The following PTPRN2 variants were observed in gnomAD, a reference collection of about 807,000 sequenced individuals.
The protein encoded by PTPRN2 is receptor-type tyrosine-protein phosphatase N2.
A neutral mutation model predicts 118.8 loss-of-function variants in PTPRN2; 74 were observed. The ratio of observed to expected loss-of-function variants is 0.62; its 90% confidence interval spans 0.52 to 0.76. The LOEUF (loss-of-function observed/expected upper bound fraction) is 0.76, where lower values mean the gene tolerates loss of function less well. Ranked by LOEUF, PTPRN2 falls within the 30% of genes least tolerant of loss-of-function variation. The probability of loss-of-function intolerance (pLI) is 0.00; values close to 1 mark genes in which losing one functional copy is unlikely to be tolerated. For synonymous variants in PTPRN2, 641 were observed against 608.0 expected, an observed-to-expected ratio of 1.05 and a Z score of -0.80; for missense variants, 1,481 against 1,394.4, an observed-to-expected ratio of 1.06 and a Z score of -0.99.
intron 3 of PTPRN2, among the ~76,000 whole-genome samples, chr7:158,240,090 G>A (rs1795823911): frequency 6.6e-6 from 1 of 152,186 alleles, no homozygotes; most frequent in Non-Finnish European, 1.5e-5. Context: ...GGTCAGACGG[G>A]CACTTGGGGC....
rs114414482 is a variant in PTPRN2, at chr7:158,583,886, C to T, written c.112+3672G>A. ...CCATCCAACCAAACGGAATCAGAGG[C>T]TCTGGACCCCAAGAAGTAAAGATAG... is the stretch of plus-strand genomic sequence containing the variant. On this transcript the variant is annotated intron_variant, in intron 1 of 22. Coordinates refer to ENST00000389418, the MANE Select transcript of PTPRN2 (RefSeq NM_002847.5). Among the ~76,000 whole-genome samples the T allele has an allele frequency of 7.6e-3, 1,155 of 152,310 alleles. 18 individuals are homozygous for T. Among genetic ancestry groups the T allele is most frequent in the African/African-American group, 0.026 (1,064 of 41,562 alleles).
chr7:158,439,533 T>G (rs1034893809), intron 2 of PTPRN2, among the ~76,000 whole-genome samples: 2 of 152,012 alleles, frequency 1.3e-5, no homozygotes, highest in African/African-American at 4.8e-5. Context: ...AGGAGTAAGA[T>G]GAGGAGGAGG....
intron 2 of PTPRN2, among the ~76,000 whole-genome samples, chr7:158,336,487 C>A (rs1361377527): frequency 7.4e-6 from 1 of 134,578 alleles, no homozygotes; most frequent in African/African-American, 2.7e-5. Flanking sequence ...TAAGAGCTGA[C>A]GCCCGCAGAT....
intron 13 of PTPRN2, chr7:157,669,494 C>T (rs1796303232): frequency 2.1e-6 from 1 of 472,774 alleles, no homozygotes. Flanking sequence ...CAGAGCTCTG[C>T]AGGCCCCTCC....
intron 3 of PTPRN2, among the ~76,000 whole-genome samples, chr7:158,312,807 G>A (rs568168033): frequency 4.6e-5 from 7 of 150,744 alleles, no homozygotes; most frequent in South Asian, 2.1e-4. Context: ...ACTCATTCAC[G>A]TGCTCACGTG....
intron 3 of PTPRN2, among the ~76,000 whole-genome samples, chr7:158,214,706 C>G (rs1827841202): frequency 6.6e-6 from 1 of 152,066 alleles, no homozygotes. Flanking sequence ...TACCACAACC[C>G]CTGCAGTGCC....
At chr7:157,752,016 C>T (rs1745213519) in intron 12 of PTPRN2, among the ~76,000 whole-genome samples, 1 of 152,168 alleles carries the variant, frequency 6.6e-6, no homozygotes, top group Non-Finnish European at 1.5e-5. Flanking sequence ...TTTCTTGACC[C>T]CTGAGGGTAG....
intron 11 of PTPRN2, among the ~76,000 whole-genome samples, chr7:157,921,025 C>T (rs1208666485): frequency 1.3e-5 from 2 of 152,098 alleles, no homozygotes; most frequent in Admixed American, 6.6e-5. Flanking sequence ...AAAATATGCA[C>T]ATGGATGTTT....
Position 157,591,280 on chromosome 7 carries a change from T to C in PTPRN2, c.2496+3958A>G, listed in dbSNP as rs1255686965. ...CACTTTCTTCCTGGAATTTGCTGAT[T>C]ACCGACAGAGAAGAAACACCTGTGG... is the stretch of plus-strand genomic sequence containing the variant. On this transcript the variant is annotated intron_variant, in intron 17 of 22. Transcript: ENST00000389418. The surrounding 1 kb of genome is among the most constrained non-coding windows in gnomAD (Gnocchi z 4.4). 2.0e-5 allele frequency among the ~76,000 whole-genome samples: 3 copies of C among 152,184 alleles called. No homozygotes were observed. Among genetic ancestry groups the C allele is most frequent in the Non-Finnish European group, 2.9e-5 (2 of 68,022 alleles).
chr7:157,646,223 T>C (rs932030499), intron 14 of PTPRN2, among the ~76,000 whole-genome samples: 4 of 152,136 alleles, frequency 2.6e-5, no homozygotes, highest in African/African-American at 7.2e-5. Flanking sequence ...AGGTGGGGCC[T>C]GGTGGGAAGT....
intron 2 of PTPRN2, among the ~76,000 whole-genome samples, chr7:158,378,171 C>T (rs1810695058): frequency 6.6e-6 from 1 of 151,906 alleles, no homozygotes; most frequent in Non-Finnish European, 1.5e-5. Context: ...CCTGAACAAA[C>T]CTGACACAAA....
intron 2 of PTPRN2, among the ~76,000 whole-genome samples, chr7:158,382,627 G>C (rs1811050086): frequency 6.6e-6 from 1 of 152,156 alleles, no homozygotes; most frequent in Non-Finnish European, 1.5e-5. Flanking sequence ...CTGCCTGTCA[G>C]ATCAGCGGTG....
chr7:158,501,871 G>A (rs1318245923), intron 1 of PTPRN2, among the ~76,000 whole-genome samples: 1 of 152,162 alleles, frequency 6.6e-6, no homozygotes, highest in African/African-American at 2.4e-5. Context: ...GAGACAGCCT[G>A]AGCCACCAGC....
intron 15 of PTPRN2, among the ~76,000 whole-genome samples, chr7:157,606,730 A>G (rs1256400345): frequency 6.6e-6 from 1 of 152,232 alleles, no homozygotes; most frequent in East Asian, 1.9e-4. Context: ...GTGAAGCTGC[A>G]CGGACTCTGC....
At chr7:158,157,893 G>A (rs1301545722) in intron 6 of PTPRN2, among the ~76,000 whole-genome samples, 2 of 152,216 alleles carry the variant, frequency 1.3e-5, no homozygotes, top group Non-Finnish European at 2.9e-5. Flanking sequence ...TAGGATGAAA[G>A]GCACTTTGAT....
chr7:157,968,140 C>T (rs917570283), intron 11 of PTPRN2, among the ~76,000 whole-genome samples: 1 of 152,016 alleles, frequency 6.6e-6, no homozygotes, highest in East Asian at 1.9e-4. Context: ...GGGGTGGCAC[C>T]TGACTCAATA....
chr7:157,708,990 C>A (rs1027696123), intron 12 of PTPRN2, among the ~76,000 whole-genome samples: 9 of 152,368 alleles, frequency 5.9e-5, no homozygotes, highest in African/African-American at 1.7e-4. Flanking sequence ...GGAACCGACA[C>A]TCCTGCTGGG....
intron 11 of PTPRN2, among the ~76,000 whole-genome samples, chr7:157,997,627 G>A (rs1008373163): frequency 4.0e-5 from 6 of 151,848 alleles, no homozygotes; most frequent in African/African-American, 1.5e-4. Context: ...GCAGATAAAC[G>A]TGGGGGGAGG....
At chr7:157,770,723 G>A (rs561326478) in intron 12 of PTPRN2, among the ~76,000 whole-genome samples, 5 of 152,192 alleles carry the variant, frequency 3.3e-5, no homozygotes, top group Admixed American at 2.0e-4. Context: ...CGGGAAGAGC[G>A]TTCAGCCAGC....
Sources: gnomAD v4.1 joint callset for allele counts (sites outside exome capture counted in the v4.1 genomes callset) on GRCh38, gnomAD v4.1.1 for gene constraint, Gnocchi (gnomAD v3.1) non-coding constraint, MANE v1.5 for transcripts, NCBI Gene and HGNC (gene_info 2026-07-23, HGNC 2026-07-21) for gene names.